The following ZNF131 variants were observed in gnomAD, a reference collection of about 807,000 sequenced individuals.
ZNF131 encodes zinc finger protein 131.
ZNF131 carries 7 observed loss-of-function variants against 60.0 expected under a neutral mutation model. The observed-to-expected ratio is 0.12, with a 90% CI of 0.07 to 0.22. The LOEUF (loss-of-function observed/expected upper bound fraction) is 0.22, where lower values mean the gene tolerates loss of function less well. Among genes scored for constraint, ZNF131 ranks in the 10% least tolerant of loss-of-function variants. The pLI is 1.00. For missense variants in ZNF131, 493 were observed against 740.9 expected, an observed-to-expected ratio of 0.67 and a Z score of 3.88; for synonymous variants, 257 against 253.2, an observed-to-expected ratio of 1.01 and a Z score of -0.14.
At chr5:43,140,442 A>G (rs963125066) in intron 4 of ZNF131, among the ~76,000 whole-genome samples, 3 of 152,190 alleles carry the variant, frequency 2.0e-5, no homozygotes, top group Admixed American at 6.6e-5. Flanking sequence ...TAATAACGGT[A>G]CTTTCTACAT....
chr5:43,127,161 C>G (rs1024700782), intron 3 of ZNF131, among the ~76,000 whole-genome samples: 1 of 152,042 alleles, frequency 6.6e-6, no homozygotes, highest in Non-Finnish European at 1.5e-5. Context: ...TGTGCTTTCT[C>G]CATCTTAGCT....
At chr5:43,143,563 T>C (rs1048230800) in intron 4 of ZNF131, 2 of 380,716 alleles carry the variant, frequency 5.3e-6, no homozygotes, top group African/African-American at 4.3e-5. Flanking sequence ...TTCCTGGACT[T>C]CTGTAATCCC....
At chr5:43,170,901 C>T (rs1220665436) in intron 5 of ZNF131, among the ~76,000 whole-genome samples, 1 of 151,118 alleles carries the variant, frequency 6.6e-6, no homozygotes, top group Non-Finnish European at 1.5e-5. Flanking sequence ...TCCCAAAGTG[C>T]TGGGATTACA....
intron 3 of ZNF131, 55 bp downstream of exon 3, chr5:43,123,365 A>C: frequency 6.9e-7 from 1 of 1,456,492 alleles, no homozygotes; most frequent in Non-Finnish European, 9.4e-7. Context: ...CATTTTATTT[A>C]AATGCTTGTT....
chr5:43,138,121 A>G (rs550646717), intron 3 of ZNF131, among the ~76,000 whole-genome samples: 2 of 152,366 alleles, frequency 1.3e-5, no homozygotes, highest in African/African-American at 4.8e-5. Flanking sequence ...ATCAGTGGGC[A>G]TAAAGTTTCA....
intron 4 of ZNF131, 81 bp downstream of exon 4, chr5:43,139,390 C>A: frequency 7.6e-7 from 1 of 1,321,718 alleles, no homozygotes; most frequent in South Asian, 2.3e-5. Context: ...CAGTATGTGT[C>A]ATGCCATGAA....
chr5:43,142,799 C>T (rs1747028174), intron 4 of ZNF131, among the ~76,000 whole-genome samples: 1 of 151,780 alleles, frequency 6.6e-6, no homozygotes, highest in African/African-American at 2.4e-5. Context: ...TCAAGAGATC[C>T]TCCCACCTTA....
chr5:43,148,798 CT>C (rs1747938251), intron 4 of ZNF131, among the ~76,000 whole-genome samples: 1 of 152,128 alleles, frequency 6.6e-6, no homozygotes, highest in Non-Finnish European at 1.5e-5. Context: ...AGTTTGATGA[CT>C]TTTAACATGC....
chr5:43,122,181 G>A lies in ZNF131; in HGVS notation c.124+4G>A. On this transcript the variant is annotated splice_donor_region_variant and intron_variant, in intron 2 of 6. Transcript: ENST00000682664. The stretch of plus-strand genomic sequence containing the variant: ...GACATCACCCTAATTGTCGACGGTG[G>A]GTAGGGCAGTGGGCAGAGGAGCGAA... The A allele has an allele frequency of 6.2e-7, 1 of 1,613,302 alleles. No homozygotes were observed. Among genetic ancestry groups the A allele is most frequent in the Non-Finnish European group, 8.5e-7 (1 of 1,179,738 alleles).
intron 5 of ZNF131, among the ~76,000 whole-genome samples, chr5:43,172,278 A>G (rs1561452317): frequency 6.6e-6 from 1 of 152,206 alleles, no homozygotes; most frequent in African/African-American, 2.4e-5. Context: ...TTGTTATCAT[A>G]CAACATACTC....
intron 3 of ZNF131, chr5:43,124,431 T>C (rs1162012440): frequency 1.3e-5 from 2 of 152,204 alleles, no homozygotes; most frequent in African/African-American, 4.8e-5. Flanking sequence ...TTCCCTTTGA[T>C]GCCTAGGGGA....
intron 4 of ZNF131, among the ~76,000 whole-genome samples, chr5:43,154,247 A>G (rs1748684862): frequency 6.6e-6 from 1 of 152,092 alleles, no homozygotes; most frequent in East Asian, 1.9e-4. Flanking sequence ...TCCTGTCTCT[A>G]CTAAAAATAC....
intron 4 of ZNF131, among the ~76,000 whole-genome samples, chr5:43,142,055 T>A (rs1362133077): frequency 2.0e-5 from 3 of 151,798 alleles, no homozygotes; most frequent in African/African-American, 7.3e-5. Context: ...AAAATTAGAT[T>A]TTTGGCCTGG....
intron 4 of ZNF131, among the ~76,000 whole-genome samples, chr5:43,145,910 G>A (rs150487896): frequency 6.6e-6 from 1 of 152,100 alleles, no homozygotes; most frequent in Non-Finnish European, 1.5e-5. Context: ...TCTTCCAACC[G>A]ATTATACCAT....
chr5:43,126,552 G>T (rs527373951), intron 3 of ZNF131, among the ~76,000 whole-genome samples: 37 of 152,268 alleles, frequency 2.4e-4, no homozygotes, highest in Non-Finnish European at 4.3e-4. Context: ...AAGCTCCCAA[G>T]AGTTTCTTTT....
intron 5 of ZNF131, among the ~76,000 whole-genome samples, chr5:43,172,535 T>C (rs1751124032): frequency 6.6e-6 from 1 of 151,164 alleles, no homozygotes; most frequent in Non-Finnish European, 1.5e-5. Flanking sequence ...GACACAAGAA[T>C]CACTTGAACC....
intron 3 of ZNF131, among the ~76,000 whole-genome samples, chr5:43,133,472 A>G (rs1274397236): frequency 1.3e-5 from 2 of 152,212 alleles, no homozygotes; most frequent in Non-Finnish European, 2.9e-5. Context: ...TCTCAAAAAA[A>G]GAAAGAAAAG....
intron 5 of ZNF131, among the ~76,000 whole-genome samples, chr5:43,170,596 A>C (rs1273222973): frequency 6.6e-6 from 1 of 150,880 alleles, no homozygotes; most frequent in Non-Finnish European, 1.5e-5. Context: ...CTTATCTTCC[A>C]ACCCCCAACT....
intron 4 of ZNF131, among the ~76,000 whole-genome samples, chr5:43,150,187 C>T (rs1236405485): frequency 6.6e-6 from 1 of 152,178 alleles, no homozygotes; most frequent in African/African-American, 2.4e-5. Flanking sequence ...TAATGAGCTG[C>T]AAGCAAACCT....
Sources: allele counts gnomAD v4.1 joint callset (sites outside exome capture counted in the v4.1 genomes callset), GRCh38; gene constraint gnomAD v4.1.1; transcripts MANE v1.5; gene names NCBI Gene and HGNC (gene_info 2026-07-23, HGNC 2026-07-21).